The following AGPAT3 variants were observed in gnomAD, a reference collection of about 807,000 sequenced individuals.
The protein encoded by AGPAT3 is 1-acyl-sn-glycerol-3-phosphate acyltransferase gamma.
A neutral mutation model predicts 47.3 loss-of-function variants in AGPAT3; 5 were observed. That is an observed-to-expected ratio of 0.11 (90% CI 0.06 to 0.22). The LOEUF (loss-of-function observed/expected upper bound fraction) is 0.22, where lower values mean the gene tolerates loss of function less well. Among genes scored for constraint, AGPAT3 ranks in the 10% least tolerant of loss-of-function variants. The pLI, the probability that AGPAT3 is intolerant of heterozygous loss-of-function variation, is 1.00. For synonymous variants in AGPAT3, 212 were observed against 208.3 expected, an observed-to-expected ratio of 1.02 and a Z score of -0.15; for missense variants, 315 against 493.0, an observed-to-expected ratio of 0.64 and a Z score of 3.42.
At position 43,934,134 on chromosome 21, in the gene AGPAT3, C is replaced by T. The variant is rs1172061452; in HGVS notation, c.-48-25500C>T. ...TGAGACCTGGATGCTGGAGAACAGG[C>T]AGACATGGGTGCCCGGCACGCCAGC... On this transcript the variant is annotated intron_variant, in intron 2 of 9. Coordinates refer to ENST00000291572, the MANE Select transcript of AGPAT3 (RefSeq NM_020132.5). The surrounding 1 kb of genome is among the most constrained non-coding windows in gnomAD (Gnocchi z 4.7). Among the ~76,000 whole-genome samples, 1 of 152,224 alleles carries T rather than the reference C, an allele frequency of 6.6e-6. No homozygotes were observed. The highest frequency in any genetic ancestry group is 1.9e-4 in the East Asian group (1 of 5,204).
At chr21:43,893,289 A>T (rs1046955713) in intron 1 of AGPAT3, among the ~76,000 whole-genome samples, 1 of 152,208 alleles carries the variant, frequency 6.6e-6, no homozygotes, top group Non-Finnish European at 1.5e-5. Flanking sequence ...TTTTCTCTGC[A>T]GCTTCCTCAA....
rs1321630358 is a variant in AGPAT3, at chr21:43,896,950, T to G, written c.-111-7007T>G. ...ATTGAAGTTTGACAGTCCGTTTTTT[T>G]TTTTTTTTTTTTTTTTTTCAGTATT... On this transcript the variant is annotated intron_variant, in intron 1 of 9. Coordinates refer to ENST00000291572, the MANE Select transcript of AGPAT3 (RefSeq NM_020132.5). Among the ~76,000 whole-genome samples, 689 of 143,528 alleles carry G rather than the reference T, an allele frequency of 4.8e-3. 10 individuals carry two copies. Among genetic ancestry groups the G allele is most frequent in the African/African-American group, 0.017 (649 of 39,166 alleles). The allele number at this position is 143,528 out of a possible 152,430, so 94.2% of individuals were successfully genotyped here.
chr21:43,986,144 G>C lies in AGPAT3; in HGVS notation c.*3752G>C, dbSNP rs182690160. ...GCCAGGATGCAAAAACAATTTTTGC[G>C]TAAAAGATGTCACACTGATCTGCTG... On this transcript the variant is annotated 3_prime_UTR_variant, in exon 10 of 10. Coordinates refer to ENST00000291572, the MANE Select transcript of AGPAT3 (RefSeq NM_020132.5). 2.6e-5 allele frequency: 4 copies of C among 152,374 alleles called. No individual in the cohort carries two copies. The East Asian group carries it at 7.7e-4, about 29-fold the overall frequency. 9.4% of individuals were successfully genotyped at this position (152,374 alleles called of 1,614,324 possible).
At chr21:43,926,475 C>T (rs901627609) in intron 2 of AGPAT3, among the ~76,000 whole-genome samples, 5 of 151,990 alleles carry the variant, frequency 3.3e-5, no homozygotes, top group African/African-American at 9.7e-5. Flanking sequence ...AGCGTTGGCT[C>T]GGGTGTTTCA....
Position 43,955,500 on chromosome 21 carries a change from C to T in AGPAT3, c.-48-4134C>T, listed in dbSNP as rs534089285. ...CTGGAGTGCAGTGGTGCGATCTCAG[C>T]TCACTGCAGCCTCCTCCTCCCAGGT... On this transcript the variant is annotated intron_variant, in intron 2 of 9. Transcript: ENST00000291572. The surrounding 1 kb of genome is among the most constrained non-coding windows in gnomAD (Gnocchi z 4.1). 3.5e-4 allele frequency among the ~76,000 whole-genome samples: 54 copies of T among 152,208 alleles called. No individual in the cohort carries two copies. The South Asian group carries it at 6.4e-3, about 18-fold the overall frequency.
intron 1 of AGPAT3, among the ~76,000 whole-genome samples, chr21:43,893,930 T>C (rs775700806): frequency 2.6e-5 from 4 of 152,150 alleles, no homozygotes; most frequent in Non-Finnish European, 4.4e-5. Context: ...ATTACCAAAA[T>C]GTGACACAGA....
intron 2 of AGPAT3, among the ~76,000 whole-genome samples, chr21:43,913,748 C>T (rs2146113962): frequency 6.6e-6 from 1 of 152,274 alleles, no homozygotes; most frequent in East Asian, 1.9e-4. Context: ...GCATCAAATG[C>T]ACAGAGACCA....
intron 1 of AGPAT3, among the ~76,000 whole-genome samples, chr21:43,875,570 C>A (rs1260751344): frequency 6.6e-5 from 10 of 152,204 alleles, no homozygotes; most frequent in African/African-American, 2.2e-4. Flanking sequence ...TCCAATTTAG[C>A]AACTCTATCT....
chr21:43,975,423 C>T (rs928238561), intron 7 of AGPAT3, among the ~76,000 whole-genome samples: 2 of 151,964 alleles, frequency 1.3e-5, no homozygotes, highest in African/African-American at 2.4e-5. Context: ...TGGTGTATGA[C>T]GCATGCTGGC....
At chr21:43,937,214 T>TGGATTTTG (rs1441121266) in intron 2 of AGPAT3, among the ~76,000 whole-genome samples, 2 of 152,300 alleles carry the variant, frequency 1.3e-5, no homozygotes, top group East Asian at 3.9e-4. Context: ...GAGTGACTTT[T>TGGATTTTG]GGATTTTGGG....
chr21:43,878,670 C>G (rs898625559), intron 1 of AGPAT3, among the ~76,000 whole-genome samples: 1 of 152,104 alleles, frequency 6.6e-6, no homozygotes, highest in East Asian at 1.9e-4. Flanking sequence ...TGTTTCTACT[C>G]ACACCAGTAG....
At chr21:43,906,652 C>T (rs1468864681) in intron 2 of AGPAT3, among the ~76,000 whole-genome samples, 2 of 152,188 alleles carry the variant, frequency 1.3e-5, no homozygotes, top group Non-Finnish European at 1.5e-5. Flanking sequence ...TCTTCTAAAG[C>T]GGAGCAAACC....
chr21:43,928,823 G>A (rs139780028), intron 2 of AGPAT3, among the ~76,000 whole-genome samples: 1 of 152,202 alleles, frequency 6.6e-6, no homozygotes, highest in African/African-American at 2.4e-5. Context: ...ATGAGGCGCT[G>A]TCTAATTTTG....
At chr21:43,951,643 T>TAGTGCTATATTTCAGAGGCTGTGCCATC (rs2088198036) in intron 2 of AGPAT3, among the ~76,000 whole-genome samples, 1 of 152,162 alleles carries the variant, frequency 6.6e-6, no homozygotes, top group African/African-American at 2.4e-5. Context: ...TTTGGGAAGA[T>TAGTGCTATATTTCAGAGGCTGTGCCATC]AGTGCTATAT....
chr21:43,936,794 G>C (rs975781403), intron 2 of AGPAT3, among the ~76,000 whole-genome samples: 1 of 152,234 alleles, frequency 6.6e-6, no homozygotes, highest in African/African-American at 2.4e-5. Context: ...TCCCGTGTCA[G>C]CTCCGCCTAA....
chr21:43,986,331 G>C lies in AGPAT3; in HGVS notation c.*3939G>C, dbSNP rs920631250. ...AGTTACCAGGGACATTGGTGTCGCC[G>C]GCCCAGGCAACAGCAGCGTACGCTT... On this transcript the variant is annotated 3_prime_UTR_variant, in exon 10 of 10. Transcript: ENST00000291572. 6.6e-6 allele frequency: 1 copy of C among 152,342 alleles called. No individual in the cohort carries two copies. The highest frequency in any genetic ancestry group is 1.5e-5 in the Non-Finnish European group (1 of 68,040). 9.4% of individuals were successfully genotyped at this position (152,342 alleles called of 1,614,324 possible).
At chr21:43,877,602 C>T (rs906565341) in intron 1 of AGPAT3, among the ~76,000 whole-genome samples, 3 of 152,074 alleles carry the variant, frequency 2.0e-5, no homozygotes, top group African/African-American at 7.2e-5. Flanking sequence ...ACCACCATGC[C>T]CTGCTATTTT....
chr21:43,982,439 T>A lies in AGPAT3; in HGVS notation c.*47T>A. 1 of 1,427,000 alleles carries A rather than the reference T, an allele frequency of 7.0e-7. No homozygotes were observed. The highest frequency in any genetic ancestry group is 9.9e-7 in the Non-Finnish European group (1 of 1,014,594). 88.4% of individuals were successfully genotyped at this position (1,427,000 alleles called of 1,614,324 possible). ...ACGCGGCCCTGACGGTGGTATCCAG[T>A]TAACTCAAAACCAACACACAGAGTG... is the stretch of plus-strand genomic sequence containing the variant. On this transcript the variant is annotated 3_prime_UTR_variant, in exon 10 of 10. Coordinates refer to ENST00000291572, the MANE Select transcript of AGPAT3 (RefSeq NM_020132.5). This position sits in a 1 kb window ranked among gnomAD's most constrained non-coding sequence, Gnocchi z 6.2.
intron 7 of AGPAT3, among the ~76,000 whole-genome samples, chr21:43,972,624 C>T (rs1252872256): frequency 2.0e-5 from 3 of 152,202 alleles, no homozygotes; most frequent in Non-Finnish European, 4.4e-5. Context: ...CCCACACAGT[C>T]AGGGCTGTGG....
Sources: gnomAD v4.1 joint callset for allele counts (sites outside exome capture counted in the v4.1 genomes callset) on GRCh38, gnomAD v4.1.1 for gene constraint, Gnocchi (gnomAD v3.1) non-coding constraint, MANE v1.5 for transcripts, NCBI Gene and HGNC (gene_info 2026-07-23, HGNC 2026-07-21) for gene names.